The following LRPPRC variants were observed in gnomAD, a reference collection of about 807,000 sequenced individuals.
LRPPRC encodes the protein leucine-rich PPR motif-containing protein, mitochondrial.
LRPPRC carries 120 observed loss-of-function variants against 180.3 expected under a neutral mutation model. The observed-to-expected ratio is 0.67, with a 90% CI of 0.57 to 0.77. LRPPRC has a LOEUF of 0.77. Among genes scored for constraint, LRPPRC ranks in the 30% least tolerant of loss-of-function variants. The probability of loss-of-function intolerance (pLI) is 0.00; values close to 1 mark genes in which losing one functional copy is unlikely to be tolerated. For missense variants in LRPPRC, 2,012 were observed against 1,657.2 expected (o/e 1.21, Z -3.72); for synonymous variants, 723 against 600.0 (o/e 1.21, Z -3.00).
chr2:43,981,302 T>C lies in LRPPRC; in HGVS notation c.346+936A>G, dbSNP rs139424377. On this transcript the variant is annotated intron_variant, in intron 2 of 37. Coordinates refer to ENST00000260665, the MANE Select transcript of LRPPRC (RefSeq NM_133259.4). ...AAAAACTAGTTATCTTCCAAGAAAC[T>C]TACTACTAAAAGTGACTCCATAAAC... is the stretch of plus-strand genomic sequence containing the variant. Among the ~76,000 whole-genome samples, 246 of 152,264 alleles carry C rather than the reference T, an allele frequency of 1.6e-3. 2 individuals carry two copies. Among genetic ancestry groups the C allele is most frequent in the African/African-American group, 5.3e-3 (220 of 41,564 alleles).
intron 1 of LRPPRC, among the ~76,000 whole-genome samples, chr2:43,988,866 A>G (rs1263522400): frequency 6.6e-6 from 1 of 151,912 alleles, no homozygotes; most frequent in African/African-American, 2.4e-5. Flanking sequence ...TTTTTACAAT[A>G]TCTTTCCTTT....
chr2:43,974,000 C>G, intron 9 of LRPPRC, 100 bp from the exon 10 acceptor site: 1 of 1,113,484 alleles, frequency 9.0e-7, no homozygotes, highest in Admixed American at 1.7e-5. Context: ...ATTTTAAACC[C>G]CGCATCCTCT....
rs566682388 is a variant in LRPPRC, at chr2:43,945,873, G to GA, written c.2210+239dup. 2.0e-4 allele frequency among the ~76,000 whole-genome samples: 30 copies of GA among 152,054 alleles called. No individual in the cohort carries two copies. In the East Asian group the frequency reaches 5.6e-3, roughly 28 times the overall value. ...CTGTTGTGATGATATATAATCAATG[G>GA]AAAAAAACCTTTGGTTCTAAGGACT... On this transcript the variant is annotated intron_variant, in intron 21 of 37. Transcript: ENST00000260665.
intron 23 of LRPPRC, among the ~76,000 whole-genome samples, chr2:43,936,795 A>G (rs1672293663): frequency 6.6e-6 from 1 of 152,184 alleles, no homozygotes; most frequent in South Asian, 2.1e-4. Flanking sequence ...AGACTAAATT[A>G]CAGGTTAATT....
intron 23 of LRPPRC, among the ~76,000 whole-genome samples, chr2:43,943,146 AAAT>A (rs1297175424): frequency 3.9e-5 from 6 of 152,112 alleles, no homozygotes; most frequent in African/African-American, 1.4e-4. Flanking sequence ...TTTACATTGC[AAAT>A]AATGCCTTAA....
intron 31 of LRPPRC, chr2:43,902,781 AG>A (rs2104995727): frequency 6.6e-6 from 1 of 152,346 alleles, no homozygotes; most frequent in South Asian, 2.1e-4. Flanking sequence ...TTATAATAAT[AG>A]TCTTATTAAC....
chr2:43,963,930 T>C (rs1310177394), intron 11 of LRPPRC: 1 of 574,600 alleles, frequency 1.7e-6, no homozygotes, highest in Non-Finnish European at 3.1e-6. Context: ...CAAGAAACTA[T>C]CCTTGAAATT....
intron 25 of LRPPRC, among the ~76,000 whole-genome samples, chr2:43,932,508 G>A (rs1218295372): frequency 6.6e-6 from 1 of 152,130 alleles, no homozygotes; most frequent in Non-Finnish European, 1.5e-5. Context: ...TCAGCAGACA[G>A]CCATTCCTAA....
intron 1 of LRPPRC, among the ~76,000 whole-genome samples, chr2:43,988,733 C>T (rs1330034043): frequency 3.3e-5 from 5 of 151,918 alleles, no homozygotes; most frequent in African/African-American, 9.7e-5. Flanking sequence ...TCAGTAGAAA[C>T]GGCGTTTCAC....
Position 43,963,912 on chromosome 2 carries a change from G to C in LRPPRC, c.1370-206C>G, listed in dbSNP as rs944144734. 12 of 591,172 alleles carry C rather than the reference G, an allele frequency of 2.0e-5. No homozygotes were observed. In the African/African-American group the frequency reaches 2.0e-4, roughly 10 times the overall value. 36.6% of individuals were successfully genotyped at this position (591,172 alleles called of 1,614,324 possible). On this transcript the variant is annotated intron_variant, in intron 11 of 37. Transcript: ENST00000260665. ...TTTCTTCATCCCCCTCTGTGAAACA[G>C]TAAATTTCAAGAAACTATCCTTGAA...
At position 43,888,471 on chromosome 2, in the gene LRPPRC, T is replaced by G; in HGVS notation, c.*129A>C. The G allele has an allele frequency of 1.5e-6, 1 of 656,082 alleles. No individual in the cohort carries two copies. Among genetic ancestry groups the G allele is most frequent in the Non-Finnish European group, 2.8e-6 (1 of 359,048 alleles). The allele number at this position is 656,082 out of a possible 1,614,324, so 40.6% of individuals were successfully genotyped here. On this transcript the variant is annotated 3_prime_UTR_variant, in exon 38 of 38. Coordinates refer to ENST00000260665, the MANE Select transcript of LRPPRC (RefSeq NM_133259.4). ...CACAGAGTTATGGTCAATAAGACTT[T>G]GAACATGCATCACACATACATAAGT...
intron 11 of LRPPRC, among the ~76,000 whole-genome samples, chr2:43,968,619 A>C (rs1378256203): frequency 2.0e-5 from 3 of 152,252 alleles, no homozygotes; most frequent in African/African-American, 4.8e-5. Context: ...TAATCAAGTG[A>C]AATAAGCTAG....
At chr2:43,995,313 G>C (rs998641793) in intron 1 of LRPPRC, among the ~76,000 whole-genome samples, 12 of 152,180 alleles carry the variant, frequency 7.9e-5, no homozygotes, top group Non-Finnish European at 1.5e-4. Flanking sequence ...CCAGCTTTAA[G>C]TCATCCGTGG....
chr2:43,974,790 G>A, intron 7 of LRPPRC, 32 bp from the exon 8 acceptor site: 1 of 1,604,130 alleles, frequency 6.2e-7, no homozygotes, highest in Non-Finnish European at 8.5e-7. Flanking sequence ...AGAAGACAAA[G>A]TTAGAGTGTT....
chr2:43,896,316 C>T (rs1670685134), intron 35 of LRPPRC: 1 of 196,968 alleles, frequency 5.1e-6, no homozygotes, highest in Non-Finnish European at 1.0e-5. Flanking sequence ...AGTGATCCAC[C>T]CGCCTCGGCC....
chr2:43,902,582 T>C (rs1670926546), intron 31 of LRPPRC: 1 of 152,150 alleles, frequency 6.6e-6, no homozygotes. Flanking sequence ...TTTATGATTA[T>C]TTGAAATCTA....
In LRPPRC at chr2:43,896,706, T is replaced by C. The variant is rs796835901; in HGVS notation, c.3828A>G (p.Arg1276=). 1 of 1,591,404 alleles carries C rather than the reference T, an allele frequency of 6.3e-7. No homozygotes were observed. Residue 1276 remains arginine (R), a splice_region_variant and synonymous_variant, in exon 35 of 38, where the codon AGA becomes AGG. Coordinates refer to ENST00000260665, the MANE Select transcript of LRPPRC (RefSeq NM_133259.4). Reference sequence around the variant, plus strand: ...GGGTTTGTTCAGCAATTGCACCACATCTCTAAAAATTAAAACATTATTCAG... The same window carrying C: ...GGGTTTGTTCAGCAATTGCACCACACCTCTAAAAATTAAAACATTATTCAG... ...KVDDARALLQ[R]CGAIAEQTPI...
chr2:43,917,885 T>C (rs944313201), intron 29 of LRPPRC, 140 bp downstream of exon 29: 26 of 642,262 alleles, frequency 4.0e-5, no homozygotes, highest in African/African-American at 2.6e-4. Context: ...CGTTAAAGTA[T>C]GGAAGGGGAC....
At position 43,942,575 on chromosome 2, in the gene LRPPRC, T is replaced by G. The variant is rs547975791; in HGVS notation, c.2504+1112A>C. 2.0e-5 allele frequency among the ~76,000 whole-genome samples: 3 copies of G among 152,240 alleles called. No individual in the cohort carries two copies. In the East Asian group the frequency reaches 5.8e-4, roughly 29 times the overall value. On this transcript the variant is annotated intron_variant, in intron 23 of 37. Transcript: ENST00000260665. ...GCATGTATTCACACATTTTTTTAAGTTAGTTAAAAGAGATGGTTTTTATTA... is the reference window on the plus strand; with the variant it reads ...GCATGTATTCACACATTTTTTTAAGGTAGTTAAAAGAGATGGTTTTTATTA...
Sources: gnomAD v4.1 joint callset for allele counts (sites outside exome capture counted in the v4.1 genomes callset) on GRCh38, gnomAD v4.1.1 for gene constraint, MANE v1.5 for transcripts, NCBI Gene and HGNC (gene_info 2026-07-23, HGNC 2026-07-21) for gene names.